Variants in ADAMTS17 observed in about 807,000 individuals in gnomAD.
ADAMTS17 encodes the protein ADAM metallopeptidase with thrombospondin type 1 motif 17.
ADAMTS17 carries 113 observed loss-of-function variants against 141.5 expected under a neutral mutation model. The observed-to-expected ratio is 0.80, with a 90% CI of 0.69 to 0.93. ADAMTS17 has a LOEUF of 0.93. Among genes scored for constraint, ADAMTS17 ranks in the 40% least tolerant of loss-of-function variants. The pLI, the probability that ADAMTS17 is intolerant of heterozygous loss-of-function variation, is 0.00. For synonymous variants in ADAMTS17, 768 were observed against 630.6 expected (o/e 1.22, Z -3.27); for missense variants, 1,659 against 1,517.9 (o/e 1.09, Z -1.54).
chr15:100,204,349 C>T (rs375416441), intron 7 of ADAMTS17, among the ~76,000 whole-genome samples: 2 of 152,360 alleles, frequency 1.3e-5, no homozygotes, highest in African/African-American at 4.8e-5. Flanking sequence ...TGCTCAACTA[C>T]CAAACACCGT....
At chr15:100,212,600 A>G (rs954038667) in intron 7 of ADAMTS17, among the ~76,000 whole-genome samples, 22 of 147,666 alleles carry the variant, frequency 1.5e-4, no homozygotes, top group African/African-American at 3.4e-4. Flanking sequence ...ATTCCCTAGG[A>G]AAAAAAAAAC....
intron 15 of ADAMTS17, among the ~76,000 whole-genome samples, chr15:100,082,222 C>T (rs938376687): frequency 5.3e-5 from 8 of 152,086 alleles, no homozygotes; most frequent in Non-Finnish European, 7.4e-5. Flanking sequence ...CGTGCCACCA[C>T]GCCCAGCTAA....
intron 9 of ADAMTS17, 63 bp downstream of exon 9, chr15:100,155,117 T>C: frequency 6.2e-7 from 1 of 1,611,188 alleles, no homozygotes; most frequent in Non-Finnish European, 8.5e-7. Flanking sequence ...GAGACTCCAA[T>C]ACTTTTGTCT....
chr15:100,280,709 G>A (rs1466510476), intron 4 of ADAMTS17, among the ~76,000 whole-genome samples: 1 of 152,182 alleles, frequency 6.6e-6, no homozygotes, highest in Non-Finnish European at 1.5e-5. Context: ...GTCCTTCAGT[G>A]TCTAACATTT....
At chr15:100,317,852 C>T (rs1009173300) in intron 3 of ADAMTS17, among the ~76,000 whole-genome samples, 3 of 152,184 alleles carry the variant, frequency 2.0e-5, no homozygotes, top group Admixed American at 6.5e-5. Flanking sequence ...GGTTTAGTTT[C>T]TGAAACCTGA....
At chr15:100,102,283 AAGG>A (rs1463152027) in intron 14 of ADAMTS17, among the ~76,000 whole-genome samples, 2 of 150,168 alleles carry the variant, frequency 1.3e-5, no homozygotes, top group Non-Finnish European at 1.5e-5. Flanking sequence ...AGCCCGACCG[AAGG>A]AGATCTACAT....
intron 20 of ADAMTS17, among the ~76,000 whole-genome samples, chr15:99,986,065 A>T (rs2060578501): frequency 6.6e-6 from 1 of 152,238 alleles, no homozygotes; most frequent in South Asian, 2.1e-4. Flanking sequence ...ATAGAACAGT[A>T]ACTCCAGAAA....
intron 6 of ADAMTS17, among the ~76,000 whole-genome samples, chr15:100,255,474 G>A (rs1261874564): frequency 1.3e-5 from 2 of 152,162 alleles, no homozygotes; most frequent in Non-Finnish European, 2.9e-5. Flanking sequence ...CTCCCTTTTA[G>A]AAGATGAAGC....
At chr15:100,202,319 C>A (rs1188639902) in intron 7 of ADAMTS17, among the ~76,000 whole-genome samples, 1 of 152,020 alleles carries the variant, frequency 6.6e-6, no homozygotes, top group East Asian at 1.9e-4. Context: ...TTTTTTTTAA[C>A]TAGAAAACAA....
chr15:100,325,448 G>T (rs571020512), intron 3 of ADAMTS17, among the ~76,000 whole-genome samples: 1 of 152,210 alleles, frequency 6.6e-6, no homozygotes, highest in African/African-American at 2.4e-5. Context: ...AAGACCATGT[G>T]AAGACACAGG....
chr15:100,284,119 A>C (rs980504851), intron 3 of ADAMTS17, among the ~76,000 whole-genome samples: 1 of 151,992 alleles, frequency 6.6e-6, no homozygotes, highest in African/African-American at 2.4e-5. Context: ...AAACAAACAA[A>C]CAAACAAACA....
intron 8 of ADAMTS17, among the ~76,000 whole-genome samples, chr15:100,190,255 C>T (rs1567324923): frequency 6.6e-6 from 1 of 152,230 alleles, no homozygotes; most frequent in African/African-American, 2.4e-5. Flanking sequence ...GTGCTCTGCT[C>T]TGATGTCAGG....
chr15:100,250,249 C>T lies in ADAMTS17; in HGVS notation c.1075+3887G>A, dbSNP rs73481912. 8.4e-3 allele frequency among the ~76,000 whole-genome samples: 1,278 copies of T among 152,234 alleles called. 15 individuals are homozygous for T. The highest frequency in any genetic ancestry group is 0.024 in the African/African-American group (1,016 of 41,550). Reference sequence around the variant, plus strand: ...CCTAATTAAAACAACAACAAAAAAACGCTGTTATATACCAAATTACACAAC... The same window carrying T: ...CCTAATTAAAACAACAACAAAAAAATGCTGTTATATACCAAATTACACAAC... On this transcript the variant is annotated intron_variant, in intron 7 of 21. Transcript: ENST00000268070.
chr15:100,115,687 A>G (rs1229750794), intron 13 of ADAMTS17, among the ~76,000 whole-genome samples: 1 of 152,226 alleles, frequency 6.6e-6, no homozygotes, highest in African/African-American at 2.4e-5. Context: ...GGCCAAATGC[A>G]GATTTCAAAG....
rs574038870 is a variant in ADAMTS17, at chr15:100,341,637, C to A, written c.79+184G>T. On this transcript the variant is annotated intron_variant, in intron 1 of 21. Transcript: ENST00000268070. Reference sequence around the variant, plus strand: ...CGCCGCGCATCGGCGAGCGGAGACCCGGCGGCGGCGCGCCTGCCACGGAGC... The same window carrying A: ...CGCCGCGCATCGGCGAGCGGAGACCAGGCGGCGGCGCGCCTGCCACGGAGC... Among the ~76,000 whole-genome samples the A allele has an allele frequency of 9.2e-3, 1,391 of 150,710 alleles. 21 individuals are homozygous for A. Among genetic ancestry groups the A allele is most frequent in the African/African-American group, 0.031 (1,295 of 41,420 alleles).
At chr15:100,097,332 A>C (rs2035824215) in intron 14 of ADAMTS17, among the ~76,000 whole-genome samples, 1 of 152,182 alleles carries the variant, frequency 6.6e-6, no homozygotes, top group African/African-American at 2.4e-5. Context: ...ACTGCCCTGC[A>C]CCCCAGATTA....
chr15:100,241,015 G>A (rs2042812218), intron 7 of ADAMTS17, among the ~76,000 whole-genome samples: 1 of 151,974 alleles, frequency 6.6e-6, no homozygotes, highest in South Asian at 2.1e-4. Flanking sequence ...TAGTAGAGAT[G>A]GTGTTTCACC....
At chr15:100,141,357 C>T (rs928788497) in intron 10 of ADAMTS17, among the ~76,000 whole-genome samples, 4 of 152,182 alleles carry the variant, frequency 2.6e-5, no homozygotes, top group African/African-American at 7.2e-5. Flanking sequence ...TGTTCTCTTG[C>T]CTCATCCTCT....
rs9745233 is a variant in ADAMTS17 at position 100,067,950 on chromosome 15, G to A, written c.2138-13896C>T. Among the ~76,000 whole-genome samples the A allele has an allele frequency of 7.5e-3, 1,135 of 152,276 alleles. 13 individuals are homozygous for A. The highest frequency in any genetic ancestry group is 0.026 in the African/African-American group (1,067 of 41,556). On this transcript the variant is annotated intron_variant, in intron 15 of 21. Coordinates refer to ENST00000268070, the MANE Select transcript of ADAMTS17 (RefSeq NM_139057.4). ...CACTGAGCGTGAGCTGAAGCAGGGC[G>A]AGGCATCCCATCACCCGGGAAGCGC...
Sources: gnomAD v4.1 joint callset for allele counts (sites outside exome capture counted in the v4.1 genomes callset) on GRCh38, gnomAD v4.1.1 for gene constraint, MANE v1.5 for transcripts, NCBI Gene and HGNC (gene_info 2026-07-23, HGNC 2026-07-21) for gene names.